Variants in SULF2 observed in about 807,000 individuals in gnomAD.
The protein encoded by SULF2 is extracellular sulfatase Sulf-2.
A neutral mutation model predicts 107.7 loss-of-function variants in SULF2; 52 were observed. The observed-to-expected ratio is 0.48, with a 90% confidence interval of 0.39 to 0.61. The LOEUF (loss-of-function observed/expected upper bound fraction) is 0.61. Among genes scored for constraint, SULF2 ranks in the 20% least tolerant of loss-of-function variants. The probability of loss-of-function intolerance (pLI) is 0.00; values close to 1 mark genes in which losing one functional copy is unlikely to be tolerated. For synonymous variants in SULF2, 460 were observed against 464.3 expected (o/e 0.99, Z 0.12); for missense variants, 993 against 1,177.3 (o/e 0.84, Z 2.29).
chr20:47,660,501 A>T (rs1460267507), intron 18 of SULF2, among the ~76,000 whole-genome samples: 1 of 152,190 alleles, frequency 6.6e-6, no homozygotes, highest in Non-Finnish European at 1.5e-5. Context: ...TCCTAGACAC[A>T]GTCCCTTCCC....
chr20:47,676,706 G>A (rs570132317), intron 9 of SULF2, 83 bp from the exon 10 acceptor site: 19 of 1,505,676 alleles, frequency 1.3e-5, no homozygotes, highest in Admixed American at 2.1e-5. Flanking sequence ...ACCTAGAGGG[G>A]TGCCCCCTCG....
intron 3 of SULF2, among the ~76,000 whole-genome samples, chr20:47,710,824 T>C (rs79619924): frequency 0.011 from 1,620 of 152,268 alleles, 34 homozygotes; most frequent in African/African-American, 0.037. Context: ...TGCAGGCAGC[T>C]CTACGGTGGA....
intron 1 of SULF2, among the ~76,000 whole-genome samples, chr20:47,759,043 G>C (rs1217523039): frequency 6.6e-6 from 1 of 152,124 alleles, no homozygotes; most frequent in Non-Finnish European, 1.5e-5. Flanking sequence ...CATTTTCCCA[G>C]GGCAGCCGGA....
rs1031365617 is a variant in SULF2 at position 47,661,965 on chromosome 20, C to T, written c.2371-69G>A. On this transcript the variant is annotated intron_variant, in intron 17 of 20. Coordinates refer to ENST00000688720, the MANE Select transcript of SULF2 (RefSeq NM_001387048.1). ...ACTCTCGCCCTGCCCTTCTACCAACCAGGGGACATATTTCAGGCAGGTGGC... is the reference window on the plus strand; with the variant it reads ...ACTCTCGCCCTGCCCTTCTACCAACTAGGGGACATATTTCAGGCAGGTGGC... 15 of 1,375,894 alleles carry T rather than the reference C, an allele frequency of 1.1e-5. No homozygotes were observed. In the South Asian group the frequency reaches 1.4e-4, roughly 13 times the overall value. 85.2% of individuals were successfully genotyped at this position (1,375,894 alleles called of 1,614,324 possible).
intron 1 of SULF2, among the ~76,000 whole-genome samples, chr20:47,774,174 G>A (rs1188469299): frequency 6.6e-6 from 1 of 152,206 alleles, no homozygotes; most frequent in Non-Finnish European, 1.5e-5. Context: ...ACGACAGGTC[G>A]GCTTCCCAAT....
At chr20:47,740,313 T>C (rs1474552509) in intron 2 of SULF2, among the ~76,000 whole-genome samples, 1 of 152,188 alleles carries the variant, frequency 6.6e-6, no homozygotes, top group Non-Finnish European at 1.5e-5. Context: ...GTTCACAAAA[T>C]GTCACAGTCA....
rs940286477 is a variant in SULF2, at chr20:47,705,017, G to A, written c.416-2347C>T. 6.0e-4 allele frequency among the ~76,000 whole-genome samples: 92 copies of A among 152,222 alleles called. 1 individual carries two copies. Among genetic ancestry groups the A allele is most frequent in the Non-Finnish European group, 1.9e-4 (13 of 68,042 alleles). ...TCTGCAGCGGTTTTCCTGGTGACCT[G>A]GCAGATGGCTGACACTTTCCAGGAG... On this transcript the variant is annotated intron_variant, in intron 3 of 20. Transcript: ENST00000688720.
intron 3 of SULF2, among the ~76,000 whole-genome samples, chr20:47,710,638 G>A (rs1343307163): frequency 6.7e-6 from 1 of 148,784 alleles, no homozygotes; most frequent in Non-Finnish European, 1.5e-5. Context: ...CATAGCAAGT[G>A]CCTACTAAGG....
intron 4 of SULF2, 142 bp from the exon 5 acceptor site, chr20:47,690,437 G>A: frequency 3.8e-6 from 2 of 520,820 alleles, no homozygotes; most frequent in Middle Eastern, 5.2e-4. Context: ...TGACAGTCTA[G>A]GGAGCAGACA....
chr20:47,768,510 C>A (rs542654599), intron 1 of SULF2, among the ~76,000 whole-genome samples: 1 of 152,232 alleles, frequency 6.6e-6, no homozygotes, highest in Non-Finnish European at 1.5e-5. Flanking sequence ...GGCTGACTCC[C>A]GTGGCTTCCT....
rs1381300441 is a variant in SULF2 at position 47,683,160 on chromosome 20, T to A, written c.898A>T (p.Met300Leu). ...TCCAGCTCGCCCGTCTCAACCAGCA[T>A]GTTGTAAATCTGCAACACGGGCGAG... ...VDDSMETIYN[M>L]LVETGELDNT... is the part of the protein sequence containing the mutation. The change falls in exon 7 of 21, where the codon ATG (methionine) becomes TTG (leucine). Residue 300 changes from methionine (M) to leucine (L), a missense_variant. Met to Leu is a conservative substitution (Grantham distance 15). Coordinates refer to ENST00000688720, the MANE Select transcript of SULF2 (RefSeq NM_001387048.1). 3 of 1,599,608 alleles carry A rather than the reference T, an allele frequency of 1.9e-6. No homozygotes were observed. The highest frequency in any genetic ancestry group is 2.6e-6 in the Non-Finnish European group (3 of 1,168,848).
At chr20:47,702,951 T>TAA (rs2088619355) in intron 3 of SULF2, among the ~76,000 whole-genome samples, 2 of 152,254 alleles carry the variant, frequency 1.3e-5, no homozygotes. Flanking sequence ...AGTCTTGCTC[T>TAA]GTTACCCAGG....
intron 3 of SULF2, among the ~76,000 whole-genome samples, chr20:47,707,342 G>A (rs184461289): frequency 2.6e-5 from 4 of 151,824 alleles, no homozygotes; most frequent in South Asian, 2.1e-4. Flanking sequence ...GCCCCACTTC[G>A]CCCTTTAGAA....
At chr20:47,682,816 C>A (rs1434508453) in intron 7 of SULF2, among the ~76,000 whole-genome samples, 178 bp downstream of exon 7, 1 of 152,188 alleles carries the variant, frequency 6.6e-6, no homozygotes, top group Non-Finnish European at 1.5e-5. Flanking sequence ...CAGCTCCCGG[C>A]CTCTCCTTCC....
chr20:47,763,880 G>T (rs924423980), intron 1 of SULF2, among the ~76,000 whole-genome samples: 1 of 152,130 alleles, frequency 6.6e-6, no homozygotes, highest in Non-Finnish European at 1.5e-5. Context: ...TCCACTGAAC[G>T]GCCTTCAATA....
In SULF2 at chr20:47,678,591, A is replaced by G; in HGVS notation, c.1193+85T>C. ...CCAGCTCCCGACCCTTGGAGACCCC[A>G]CGTTCTAGACCCACAGGGTTTTGCT... On this transcript the variant is annotated intron_variant, in intron 8 of 20. Coordinates refer to ENST00000688720, the MANE Select transcript of SULF2 (RefSeq NM_001387048.1). The surrounding 1 kb of genome is among the most constrained non-coding windows in gnomAD (Gnocchi z 4.5). 1 of 1,551,246 alleles carries G rather than the reference A, an allele frequency of 6.4e-7. No homozygotes were observed. Among genetic ancestry groups the G allele is most frequent in the South Asian group, 1.2e-5 (1 of 84,454 alleles).
chr20:47,708,693 AGC>A (rs1343439315), intron 3 of SULF2, among the ~76,000 whole-genome samples: 2 of 152,134 alleles, frequency 1.3e-5, no homozygotes, highest in East Asian at 3.9e-4. Context: ...CCAAATCTCC[AGC>A]CAGTGAACCT....
rs2089730002 is a variant in SULF2 at position 47,736,367 on chromosome 20, G to C, written c.415+336C>G. The stretch of plus-strand genomic sequence containing the variant: ...CTAATGGTTTGAAGTCAACGAAACA[G>C]TCCCTGATGGGCTTAATAACTATTA... On this transcript the variant is annotated intron_variant, in intron 3 of 20. Transcript: ENST00000688720. Among the ~76,000 whole-genome samples, 3 of 152,182 alleles carry C rather than the reference G, an allele frequency of 2.0e-5. No individual in the cohort carries two copies. The South Asian group carries it at 6.2e-4, about 31-fold the overall frequency.
intron 3 of SULF2, among the ~76,000 whole-genome samples, chr20:47,732,660 G>T (rs942307703): frequency 2.0e-5 from 3 of 152,150 alleles, no homozygotes; most frequent in Non-Finnish European, 4.4e-5. Context: ...TGGCCAACAT[G>T]GTGAAACCCC....
Sources: allele counts gnomAD v4.1 joint callset (sites outside exome capture counted in the v4.1 genomes callset), GRCh38; gene constraint gnomAD v4.1.1; non-coding constraint Gnocchi (gnomAD v3.1); transcripts MANE v1.5; gene names NCBI Gene and HGNC (gene_info 2026-07-23, HGNC 2026-07-21).